DSCAM: variants seen among roughly 807,000 people sequenced by gnomAD.
The protein encoded by DSCAM is cell adhesion molecule DSCAM.
Under a neutral mutation model 217.7 loss-of-function variants are expected in DSCAM, and 47 were observed. The observed-to-expected ratio is 0.22, with a 90% CI of 0.17 to 0.28. DSCAM has a LOEUF of 0.28. Among genes scored for constraint, DSCAM ranks in the 10% least tolerant of loss-of-function variants. The pLI is 1.00. For synonymous variants in DSCAM, 1,056 were observed against 1,015.3 expected, an observed-to-expected ratio of 1.04 and a Z score of -0.76; for missense variants, 2,080 against 2,618.3, an observed-to-expected ratio of 0.79 and a Z score of 4.49.
chr21:40,400,322 A>G (rs2075222133), intron 3 of DSCAM, among the ~76,000 whole-genome samples: 1 of 152,246 alleles, frequency 6.6e-6, no homozygotes, highest in South Asian at 2.1e-4. Context: ...CAAAACAAAA[A>G]AATAGCTAGA....
At chr21:40,246,059 ATG>A (rs2146951160) in intron 11 of DSCAM, among the ~76,000 whole-genome samples, 1 of 152,162 alleles carries the variant, frequency 6.6e-6, no homozygotes, top group East Asian at 1.9e-4. Flanking sequence ...TGCTCAGCTC[ATG>A]GGAACACTCA....
At position 40,078,784 on chromosome 21, in the gene DSCAM, C is replaced by T. The variant is rs780012779; in HGVS notation, c.4614G>A (p.Leu1538=). ...GCAGCTCATACCAGGTGGCTTCCTG[C>T]AGGTCATACAGGATGTAGGACTTGG... ...SLSKSYILYD[L]QEATWYELQM... Residue 1538 remains leucine (L), a synonymous_variant, in exon 26 of 33, where the codon CTG becomes CTA. Coordinates refer to ENST00000400454, the MANE Select transcript of DSCAM (RefSeq NM_001389.5). The T allele has an allele frequency of 1.2e-6, 2 of 1,614,240 alleles. No individual in the cohort carries two copies. Among genetic ancestry groups the T allele is most frequent in the South Asian group, 1.1e-5 (1 of 91,078 alleles).
intron 20 of DSCAM, among the ~76,000 whole-genome samples, chr21:40,096,164 A>G (rs927062747): frequency 1.3e-5 from 2 of 152,136 alleles, no homozygotes; most frequent in African/African-American, 4.8e-5. Flanking sequence ...CAGAAACTCA[A>G]AAGAATGTAA....
intron 3 of DSCAM, among the ~76,000 whole-genome samples, chr21:40,580,016 C>A (rs55719351): frequency 0.027 from 4,067 of 151,962 alleles, 160 homozygotes; most frequent in African/African-American, 0.093. Context: ...AGATCATCCA[C>A]CAGAACCAAT....
At chr21:40,477,306 A>G (rs1055508779) in intron 3 of DSCAM, among the ~76,000 whole-genome samples, 2 of 152,212 alleles carry the variant, frequency 1.3e-5, no homozygotes, top group African/African-American at 2.4e-5. Context: ...AAGAACCAGA[A>G]GAAAAGGAAA....
chr21:40,158,979 G>A (rs1464283167), intron 16 of DSCAM, among the ~76,000 whole-genome samples: 4 of 152,162 alleles, frequency 2.6e-5, no homozygotes, highest in Admixed American at 2.0e-4. Context: ...TAACTTAAAT[G>A]TATTTGAACT....
intron 3 of DSCAM, chr21:40,384,796 C>G (rs1213845264): frequency 6.6e-6 from 1 of 152,202 alleles, no homozygotes; most frequent in Non-Finnish European, 1.5e-5. Flanking sequence ...CTTGTTTGGT[C>G]TCACTCCCCA....
At chr21:40,801,737 T>C (rs1348163390) in intron 1 of DSCAM, among the ~76,000 whole-genome samples, 1 of 152,192 alleles carries the variant, frequency 6.6e-6, no homozygotes, top group Non-Finnish European at 1.5e-5. Flanking sequence ...AGTATACATG[T>C]AGCGCTAATT....
At chr21:40,807,447 C>A (rs1221625803) in intron 1 of DSCAM, among the ~76,000 whole-genome samples, 1 of 151,794 alleles carries the variant, frequency 6.6e-6, no homozygotes, top group Non-Finnish European at 1.5e-5. Context: ...CTCCTGCCTT[C>A]GCAGGAGGTG....
chr21:40,512,330 C>T (rs1309583682), intron 3 of DSCAM, among the ~76,000 whole-genome samples: 2 of 152,158 alleles, frequency 1.3e-5, no homozygotes, highest in Non-Finnish European at 1.5e-5. Context: ...CCACTGCACA[C>T]TGGGGATACA....
chr21:40,350,183 G>A (rs1031734559), intron 5 of DSCAM, among the ~76,000 whole-genome samples: 2 of 152,076 alleles, frequency 1.3e-5, no homozygotes, highest in Admixed American at 1.3e-4. Context: ...CCATAGAAAC[G>A]CTAGAAGAAA....
chr21:40,450,201 A>T lies in DSCAM; in HGVS notation c.509-80956T>A, dbSNP rs540376718. Reference sequence around the variant, plus strand: ...CAATAGCACCTTTATAAACCAAACCAAACAACGTAACATAAAATAATACAT... The same window carrying T: ...CAATAGCACCTTTATAAACCAAACCTAACAACGTAACATAAAATAATACAT... On this transcript the variant is annotated intron_variant, in intron 3 of 32. Coordinates refer to ENST00000400454, the MANE Select transcript of DSCAM (RefSeq NM_001389.5). 1.9e-4 allele frequency among the ~76,000 whole-genome samples: 29 copies of T among 152,344 alleles called. 1 individual carries two copies. In the South Asian group the frequency reaches 3.5e-3, roughly 18 times the overall value.
At chr21:40,177,014 G>A (rs527839031) in intron 15 of DSCAM, among the ~76,000 whole-genome samples, 3 of 152,316 alleles carry the variant, frequency 2.0e-5, no homozygotes, top group East Asian at 1.9e-4. Context: ...CTGTTTTCCC[G>A]AGGAGGTGGC....
At chr21:40,426,333 C>T (rs2075474842) in intron 3 of DSCAM, among the ~76,000 whole-genome samples, 1 of 152,218 alleles carries the variant, frequency 6.6e-6, no homozygotes, top group Non-Finnish European at 1.5e-5. Flanking sequence ...ACCTGTGCTG[C>T]TTCCTTTTCT....
intron 3 of DSCAM, among the ~76,000 whole-genome samples, chr21:40,600,746 GTTTC>G (rs1023031910): frequency 5.9e-5 from 9 of 152,226 alleles, no homozygotes; most frequent in African/African-American, 1.9e-4. Context: ...TTTGTGTCTA[GTTTC>G]TTTCACACAT....
chr21:40,696,803 TA>T (rs372177512), intron 2 of DSCAM, among the ~76,000 whole-genome samples: 1 of 152,304 alleles, frequency 6.6e-6, no homozygotes, highest in African/African-American at 2.4e-5. Flanking sequence ...ATAAGAGTTG[TA>T]CATATTCTGG....
intron 3 of DSCAM, among the ~76,000 whole-genome samples, chr21:40,689,919 C>T (rs926565903): frequency 3.9e-5 from 6 of 152,178 alleles, no homozygotes; most frequent in African/African-American, 1.4e-4. Flanking sequence ...TATGCAAGGT[C>T]GTTCCCTGAA....
intron 8 of DSCAM, among the ~76,000 whole-genome samples, chr21:40,322,670 G>T (rs1279113850): frequency 6.6e-6 from 1 of 151,902 alleles, no homozygotes; most frequent in Non-Finnish European, 1.5e-5. Context: ...TACTACAGGT[G>T]CCCGCCATTA....
intron 3 of DSCAM, among the ~76,000 whole-genome samples, chr21:40,393,247 T>C: frequency 6.6e-6 from 1 of 152,162 alleles, no homozygotes; most frequent in East Asian, 1.9e-4. Context: ...CACCTTCCCC[T>C]TCATCATCCA....
Sources: allele counts gnomAD v4.1 joint callset (sites outside exome capture counted in the v4.1 genomes callset), GRCh38; gene constraint gnomAD v4.1.1; transcripts MANE v1.5; gene names NCBI Gene and HGNC (gene_info 2026-07-23, HGNC 2026-07-21).